Variants in IPO11 observed in about 807,000 individuals in gnomAD.
IPO11 encodes importin 11, also known as importin-11.
Under a neutral mutation model 143.2 loss-of-function variants are expected in IPO11, and 66 were observed. The ratio of observed to expected loss-of-function variants is 0.46; its 90% confidence interval spans 0.38 to 0.57. IPO11 has a LOEUF of 0.57. IPO11 is among the 20% of genes least tolerant of loss of function. The pLI, the probability that IPO11 is intolerant of heterozygous loss-of-function variation, is 0.00. For missense variants in IPO11, 1,026 were observed against 1,141.0 expected (o/e 0.90, Z 1.45); for synonymous variants, 385 against 377.8 (o/e 1.02, Z -0.22).
At chr5:62,456,978 C>A (rs1425601819) in intron 5 of IPO11, among the ~76,000 whole-genome samples, 2 of 151,904 alleles carry the variant, frequency 1.3e-5, no homozygotes, top group African/African-American at 4.8e-5. Flanking sequence ...TACTCGGGAG[C>A]CTGAGGCAGG....
intron 16 of IPO11, among the ~76,000 whole-genome samples, chr5:62,496,185 G>A (rs1741145305): frequency 1.3e-5 from 2 of 151,994 alleles, no homozygotes; most frequent in African/African-American, 4.8e-5. Context: ...TTACTTGGGA[G>A]GCCGAGGCAG....
chr5:62,489,278 C>A (rs937031322), intron 13 of IPO11, 24 bp from the exon 14 acceptor site: 2 of 1,348,084 alleles, frequency 1.5e-6, no homozygotes, highest in Admixed American at 2.5e-5. Context: ...TTTACTGATA[C>A]CTATTTATAT....
intron 4 of IPO11, among the ~76,000 whole-genome samples, chr5:62,450,691 C>T (rs1485434681): frequency 6.7e-6 from 1 of 148,840 alleles, no homozygotes; most frequent in Non-Finnish European, 1.5e-5. Flanking sequence ...CTCAGAATGG[C>T]TTCAGGTTTT....
intron 22 of IPO11, among the ~76,000 whole-genome samples, 176 bp downstream of exon 22, chr5:62,530,961 G>T (rs1478236056): frequency 6.6e-6 from 1 of 152,122 alleles, no homozygotes; most frequent in Non-Finnish European, 1.5e-5. Context: ...GAGGTTTGGG[G>T]TACAATTGAT....
At chr5:62,455,738 A>G (rs1409767164) in intron 5 of IPO11, among the ~76,000 whole-genome samples, 1 of 151,988 alleles carries the variant, frequency 6.6e-6, no homozygotes, top group East Asian at 1.9e-4. Flanking sequence ...ATTGAGCTTG[A>G]TTTGACACAA....
chr5:62,426,077 A>G (rs1447505945), intron 1 of IPO11, among the ~76,000 whole-genome samples: 2 of 152,130 alleles, frequency 1.3e-5, no homozygotes, highest in Non-Finnish European at 2.9e-5. Flanking sequence ...TCACAAATCC[A>G]GATAATATGA....
At chr5:62,488,358 G>A (rs1746486286) in intron 13 of IPO11, among the ~76,000 whole-genome samples, 1 of 152,174 alleles carries the variant, frequency 6.6e-6, no homozygotes, top group African/African-American at 2.4e-5. Flanking sequence ...TAAGTCCTAG[G>A]GGCATTGATC....
chr5:62,478,229 G>A (rs779541632), intron 9 of IPO11, among the ~76,000 whole-genome samples: 6 of 152,134 alleles, frequency 3.9e-5, no homozygotes, highest in Admixed American at 2.0e-4. Flanking sequence ...GCAGTGGTGT[G>A]ATCTTGACTC....
At position 62,435,070 on chromosome 5, in the gene IPO11, A is replaced by ATG. The variant is rs1411322725; in HGVS notation, c.-6-2202_-6-2201dup. On this transcript the variant is annotated intron_variant, in intron 1 of 29. Coordinates refer to ENST00000325324, the MANE Select transcript of IPO11 (RefSeq NM_016338.5). ...TATGTGTATATATATATGTATATAT[A>ATG]TGTATATATATGTGTATATATGTAT... 2.9e-3 allele frequency among the ~76,000 whole-genome samples: 332 copies of ATG among 113,600 alleles called. 3 individuals are homozygous for ATG. Among genetic ancestry groups the ATG allele is most frequent in the Non-Finnish European group, 4.7e-3 (260 of 55,822 alleles). 74.5% of individuals were successfully genotyped at this position (113,600 alleles called of 152,430 possible).
At chr5:62,466,820 A>G (rs1365032956) in intron 5 of IPO11, among the ~76,000 whole-genome samples, 1 of 152,214 alleles carries the variant, frequency 6.6e-6, no homozygotes, top group East Asian at 1.9e-4. Flanking sequence ...CTATTAGTGG[A>G]GATAAAAAGA....
chr5:62,467,736 A>G (rs1745620742), intron 6 of IPO11, among the ~76,000 whole-genome samples: 3 of 152,090 alleles, frequency 2.0e-5, no homozygotes, highest in Admixed American at 2.0e-4. Context: ...ATAGGATGCC[A>G]TCTTGGCCTG....
chr5:62,504,556 CTA>C (rs1741478709), intron 16 of IPO11, 109 bp from the exon 17 acceptor site: 1 of 637,750 alleles, frequency 1.6e-6, no homozygotes, highest in African/African-American at 1.9e-5. Context: ...GTCTGTGACT[CTA>C]ATAATAATAA....
intron 26 of IPO11, among the ~76,000 whole-genome samples, chr5:62,551,930 C>T (rs922513087): frequency 6.6e-6 from 1 of 152,022 alleles, no homozygotes; most frequent in African/African-American, 2.4e-5. Flanking sequence ...TCGAGACATC[C>T]TGGCTAACAC....
At chr5:62,564,653 A>C (rs1743875493) in intron 27 of IPO11, among the ~76,000 whole-genome samples, 1 of 151,994 alleles carries the variant, frequency 6.6e-6, no homozygotes, top group Non-Finnish European at 1.5e-5. Flanking sequence ...TACCTACCGG[A>C]TGTCAGTTGC....
rs571409234 is a variant in IPO11 at position 62,545,735 on chromosome 5, G to C, written c.2251-4632G>C. Among the ~76,000 whole-genome samples, 148 of 152,108 alleles carry C rather than the reference G, an allele frequency of 9.7e-4. 1 individual carries two copies. In the Middle Eastern group the frequency reaches 0.01, roughly 10 times the overall value. ...AGGGCTAATATCCAGAATCTACAAA[G>C]AACTCAAACAAATTTACAAGAAAAA... On this transcript the variant is annotated intron_variant, in intron 24 of 29. Coordinates refer to ENST00000325324, the MANE Select transcript of IPO11 (RefSeq NM_016338.5).
intron 19 of IPO11, among the ~76,000 whole-genome samples, chr5:62,509,080 A>G (rs1474724366): frequency 6.6e-6 from 1 of 152,236 alleles, no homozygotes; most frequent in Admixed American, 6.5e-5. Context: ...ACCATACTGT[A>G]CAATTATTTG....
chr5:62,478,255 T>C (rs558464572), intron 9 of IPO11, among the ~76,000 whole-genome samples: 178 of 152,278 alleles, frequency 1.2e-3, no homozygotes, highest in Non-Finnish European at 1.4e-3. Flanking sequence ...AGCCTCTGCC[T>C]TGTGGGCTCA....
chr5:62,445,453 A>G (rs1050987484), intron 3 of IPO11, among the ~76,000 whole-genome samples: 3 of 152,114 alleles, frequency 2.0e-5, no homozygotes, highest in Non-Finnish European at 4.4e-5. Flanking sequence ...TGTTTCTTTA[A>G]TATGTATACA....
At chr5:62,416,328 G>A (rs1435352129) in intron 1 of IPO11, among the ~76,000 whole-genome samples, 3 of 151,524 alleles carry the variant, frequency 2.0e-5, no homozygotes, top group East Asian at 1.9e-4. Context: ...GATTACAGGC[G>A]CTCACCACCA....
Sources: allele counts gnomAD v4.1 joint callset (sites outside exome capture counted in the v4.1 genomes callset), GRCh38; gene constraint gnomAD v4.1.1; transcripts MANE v1.5; gene names NCBI Gene and HGNC (gene_info 2026-07-23, HGNC 2026-07-21).